The following TP63 variants were observed in gnomAD, a reference collection of about 807,000 sequenced individuals.
TP63 encodes tumor protein p63.
TP63 carries 17 observed loss-of-function variants against 82.8 expected under a neutral mutation model. That is an observed-to-expected ratio of 0.21 (90% CI 0.14 to 0.31). The LOEUF (loss-of-function observed/expected upper bound fraction) is 0.31. Ranked by LOEUF, TP63 falls within the 10% of genes least tolerant of loss-of-function variation. The pLI is 1.00. For missense variants in TP63, 648 were observed against 895.3 expected (o/e 0.72, Z 3.52); for synonymous variants, 330 against 321.7 (o/e 1.03, Z -0.28).
intron 3 of TP63, among the ~76,000 whole-genome samples, chr3:189,803,690 A>G (rs1251364612): frequency 6.6e-6 from 1 of 152,192 alleles, no homozygotes; most frequent in African/African-American, 2.4e-5. Flanking sequence ...CAGATCAGCT[A>G]GTTTGTGAGG....
At chr3:189,665,746 A>G (rs1714330329) in intron 1 of TP63, among the ~76,000 whole-genome samples, 1 of 151,988 alleles carries the variant, frequency 6.6e-6, no homozygotes. Context: ...TAACTAATAC[A>G]CCAATTACCC....
intron 1 of TP63, among the ~76,000 whole-genome samples, chr3:189,723,657 A>G (rs1276669186): frequency 6.6e-6 from 1 of 152,210 alleles, no homozygotes; most frequent in Non-Finnish European, 1.5e-5. Context: ...AGGAACTGTA[A>G]ATAAAGATCT....
At chr3:189,689,411 C>G (rs1716737377) in intron 1 of TP63, among the ~76,000 whole-genome samples, 1 of 151,914 alleles carries the variant, frequency 6.6e-6, no homozygotes, top group Non-Finnish European at 1.5e-5. Context: ...CCACCATGCC[C>G]AGCCCAAATC....
the TP63 span, among the ~76,000 whole-genome samples, chr3:189,625,032 C>T: frequency 1.3e-5 from 2 of 152,148 alleles, no homozygotes; most frequent in Non-Finnish European, 2.9e-5. Context: ...CATCACAACT[C>T]TCTTGAGGTA....
chr3:189,715,008 G>T lies in TP63; in HGVS notation c.63-22732G>T, dbSNP rs930357752. On this transcript the variant is annotated intron_variant, in intron 1 of 13. Transcript: ENST00000264731. The stretch of plus-strand genomic sequence containing the variant: ...CAACCTCCCTTAAAGTTAGGCATGG[G>T]CATGTGACTTGGTTCTAACTAGTGC... Among the ~76,000 whole-genome samples the T allele has an allele frequency of 7.2e-5, 11 of 152,110 alleles. 1 individual carries two copies. Among genetic ancestry groups the T allele is most frequent in the Admixed American group, 7.2e-4 (11 of 15,272 alleles).
chr3:189,799,819 T>C (rs1453370013), intron 3 of TP63, among the ~76,000 whole-genome samples: 1 of 152,160 alleles, frequency 6.6e-6, no homozygotes, highest in Non-Finnish European at 1.5e-5. Context: ...ATAAAATAAA[T>C]GATCAGTTGT....
At chr3:189,740,845 G>A (rs1215165224) in intron 3 of TP63, among the ~76,000 whole-genome samples, 1 of 152,116 alleles carries the variant, frequency 6.6e-6, no homozygotes, top group African/African-American at 2.4e-5. Flanking sequence ...TTACTTCCTT[G>A]TATTCTTGGA....
the TP63 span, among the ~76,000 whole-genome samples, chr3:189,621,994 A>C: frequency 6.6e-6 from 1 of 152,194 alleles, no homozygotes; most frequent in Non-Finnish European, 1.5e-5. Flanking sequence ...GTTGCTGTAA[A>C]CAAGACCTAC....
chr3:189,675,707 TC>T (rs776843355), intron 1 of TP63, among the ~76,000 whole-genome samples: 2 of 151,944 alleles, frequency 1.3e-5, no homozygotes, highest in Non-Finnish European at 2.9e-5. Flanking sequence ...TGTCTCCTGC[TC>T]CCCCTCACCC....
At chr3:189,708,377 T>C (rs962163831) in intron 1 of TP63, among the ~76,000 whole-genome samples, 2 of 152,234 alleles carry the variant, frequency 1.3e-5, no homozygotes, top group Admixed American at 6.5e-5. Context: ...GTTTGTTAGC[T>C]ACAGCCTGAT....
At chr3:189,849,410 C>T (rs1006829517) in intron 4 of TP63, among the ~76,000 whole-genome samples, 15 of 152,050 alleles carry the variant, frequency 9.9e-5, no homozygotes, top group African/African-American at 2.7e-4. Context: ...GACAGATCTC[C>T]GGGTAGACAG....
chr3:189,870,122 A>G (rs1406930272), intron 9 of TP63, among the ~76,000 whole-genome samples: 1 of 152,160 alleles, frequency 6.6e-6, no homozygotes, highest in Non-Finnish European at 1.5e-5. Flanking sequence ...GGCCATAGAA[A>G]TTTAGGCCGA....
chr3:189,789,636 A>G (rs1724917092), intron 3 of TP63: 1 of 1,394,204 alleles, frequency 7.2e-7, no homozygotes, highest in Non-Finnish European at 9.3e-7. Flanking sequence ...TTGGGTATAT[A>G]TTAGGAAACC....
intron 3 of TP63, among the ~76,000 whole-genome samples, chr3:189,784,075 G>A (rs563755396): frequency 1.3e-5 from 2 of 151,962 alleles, no homozygotes; most frequent in South Asian, 2.1e-4. Context: ...TGAGAGTTGC[G>A]CTTATAGTTG....
intron 4 of TP63, among the ~76,000 whole-genome samples, chr3:189,824,589 A>T (rs1729142301): frequency 6.6e-6 from 1 of 152,100 alleles, no homozygotes; most frequent in African/African-American, 2.4e-5. Flanking sequence ...TCCTGTGAAG[A>T]CAGTGATTTT....
chr3:189,605,067 G>A, the TP63 span, among the ~76,000 whole-genome samples: 2 of 152,118 alleles, frequency 1.3e-5, no homozygotes, highest in Non-Finnish European at 2.9e-5. Context: ...TTGTGGCTTG[G>A]TTTTCTTCTA....
At chr3:189,836,170 G>A (rs550425087) in intron 4 of TP63, among the ~76,000 whole-genome samples, 2 of 152,178 alleles carry the variant, frequency 1.3e-5, no homozygotes, top group African/African-American at 4.8e-5. Context: ...TTTGGAAGAA[G>A]AGATTGTTTT....
At chr3:189,872,801 C>T in intron 9 of TP63, 58 bp from the exon 10 acceptor site, 2 of 1,612,080 alleles carry the variant, frequency 1.2e-6, no homozygotes, top group Non-Finnish European at 1.7e-6. Context: ...ATTGACCACA[C>T]TTCTAACAGT....
chr3:189,782,212 T>G (rs777456467), intron 3 of TP63, among the ~76,000 whole-genome samples: 1 of 152,148 alleles, frequency 6.6e-6, no homozygotes, highest in Non-Finnish European at 1.5e-5. Context: ...CAGTGTGGAA[T>G]CAGAAGGAAA....
Sources: allele counts gnomAD v4.1 joint callset (sites outside exome capture counted in the v4.1 genomes callset), GRCh38; gene constraint gnomAD v4.1.1; transcripts MANE v1.5; gene names NCBI Gene and HGNC (gene_info 2026-07-23, HGNC 2026-07-21).